Variants in RANBP10 observed in about 807,000 individuals in gnomAD.
RANBP10 encodes the protein RAN binding protein 10, also known as ran-binding protein 10.
A neutral mutation model predicts 72.8 loss-of-function variants in RANBP10; 24 were observed. That is an observed-to-expected ratio of 0.33 (90% CI 0.24 to 0.46). The LOEUF is 0.46. Ranked by LOEUF, RANBP10 falls within the 20% of genes least tolerant of loss-of-function variation. The probability of loss-of-function intolerance (pLI) is 1.00; values close to 1 mark genes in which losing one functional copy is unlikely to be tolerated. For missense variants in RANBP10, 679 were observed against 817.5 expected (o/e 0.83, Z 2.07); for synonymous variants, 310 against 322.3 (o/e 0.96, Z 0.41).
At chr16:67,769,745 CAAAAAA>C (rs58319144) in intron 3 of RANBP10, among the ~76,000 whole-genome samples, 1 of 27,724 alleles carries the variant, frequency 3.6e-5, no homozygotes, top group East Asian at 2.7e-3. Flanking sequence ...GACTCCGTCT[CAAAAAA>C]AAAAAAAAAA....
intron 2 of RANBP10, among the ~76,000 whole-genome samples, chr16:67,788,408 A>G (rs1425638000): frequency 4.0e-5 from 6 of 150,676 alleles, no homozygotes; most frequent in Admixed American, 2.0e-4. Context: ...GCCCGCCACC[A>G]TGCCCGGCTA....
chr16:67,804,473 C>G (rs895608097), intron 2 of RANBP10, among the ~76,000 whole-genome samples: 3 of 151,928 alleles, frequency 2.0e-5, no homozygotes, highest in African/African-American at 7.3e-5. Context: ...GCAATCTCAG[C>G]TCACTACAAC....
chr16:67,739,189 C>T (rs921838738), intron 4 of RANBP10: 1 of 152,122 alleles, frequency 6.6e-6, no homozygotes, highest in African/African-American at 2.4e-5. Flanking sequence ...TGGTCTTGAA[C>T]TCCTGACCTC....
chr16:67,769,786 C>T (rs2054576887), intron 3 of RANBP10, among the ~76,000 whole-genome samples: 1 of 140,468 alleles, frequency 7.1e-6, no homozygotes. Context: ...AGAGTCCTTA[C>T]CAGGCAGGCT....
At chr16:67,795,646 T>G in intron 2 of RANBP10, among the ~76,000 whole-genome samples, 1 of 151,722 alleles carries the variant, frequency 6.6e-6, no homozygotes. Context: ...GGCGGGTGGA[T>G]CACGAGGTCA....
chr16:67,795,694 A>G (rs955797485), intron 2 of RANBP10, among the ~76,000 whole-genome samples: 1 of 150,898 alleles, frequency 6.6e-6, no homozygotes, highest in Non-Finnish European at 1.5e-5. Context: ...TCTCTACTAA[A>G]AATACAAAAA....
At chr16:67,756,605 A>G (rs182147169) in intron 3 of RANBP10, among the ~76,000 whole-genome samples, 84 of 152,338 alleles carry the variant, frequency 5.5e-4, no homozygotes, top group African/African-American at 2.0e-3. Flanking sequence ...TGGGAGGCTG[A>G]GTCAGGAGAA....
intron 5 of RANBP10, among the ~76,000 whole-genome samples, chr16:67,737,509 T>G (rs1441970448): frequency 1.3e-5 from 2 of 151,958 alleles, no homozygotes; most frequent in Non-Finnish European, 2.9e-5. Flanking sequence ...GCCAGAAAAC[T>G]CCATCCTTTT....
In RANBP10 at chr16:67,728,377, C is replaced by T; in HGVS notation, c.1474+13G>A. On this transcript the variant is annotated intron_variant, in intron 11 of 13. Coordinates refer to ENST00000317506, the MANE Select transcript of RANBP10 (RefSeq NM_020850.3). ...TGCCCTCAAAGAATAGCACACCGGG[C>T]CGTGGCTCTCACCCATGCTGGACTC... The T allele has an allele frequency of 2.5e-6, 4 of 1,612,822 alleles. No individual in the cohort carries two copies. The highest frequency in any genetic ancestry group is 3.4e-6 in the Non-Finnish European group (4 of 1,178,968).
intron 2 of RANBP10, among the ~76,000 whole-genome samples, chr16:67,796,482 T>C (rs1457595304): frequency 6.6e-6 from 1 of 152,020 alleles, no homozygotes; most frequent in African/African-American, 2.4e-5. Context: ...TCCAACCACC[T>C]CCACCCTGAG....
intron 2 of RANBP10, among the ~76,000 whole-genome samples, chr16:67,801,866 G>T (rs144548089): frequency 1.3e-4 from 20 of 152,132 alleles, no homozygotes; most frequent in African/African-American, 4.8e-4. Context: ...AGGCTGAGGT[G>T]GAAGAAATAC....
chr16:67,770,944 C>T (rs111277715), intron 3 of RANBP10, among the ~76,000 whole-genome samples: 1 of 152,192 alleles, frequency 6.6e-6, no homozygotes, highest in African/African-American at 2.4e-5. Context: ...AAAGCGAGAC[C>T]CTGTCTCAAA....
rs528157171 is a variant in RANBP10 at position 67,740,251 on chromosome 16, C to T, written c.569-2216G>A. Reference sequence around the variant, plus strand: ...CCAAGTAGCTGGGACTACAAGTGCCCGCCATCATGCCCAGCTAATTTTTTT... The same window carrying T: ...CCAAGTAGCTGGGACTACAAGTGCCTGCCATCATGCCCAGCTAATTTTTTT... On this transcript the variant is annotated intron_variant, in intron 4 of 13. Transcript: ENST00000317506. Among the ~76,000 whole-genome samples the T allele has an allele frequency of 3.3e-5, 5 of 152,098 alleles. No individual in the cohort carries two copies. The South Asian group carries it at 6.3e-4, about 19-fold the overall frequency.
At chr16:67,790,596 A>AT (rs766513993) in intron 2 of RANBP10, among the ~76,000 whole-genome samples, 1 of 151,894 alleles carries the variant, frequency 6.6e-6, no homozygotes, top group Admixed American at 6.6e-5. Context: ...AATGGGCAGC[A>AT]TAAGAGTATT....
Position 67,742,747 on chromosome 16 carries a change from G to C in RANBP10, c.568+1541C>G, listed in dbSNP as rs772551085. On this transcript the variant is annotated intron_variant, in intron 4 of 13. Transcript: ENST00000317506. ...GGATGTGAGGAAGGCAGCTATACAA[G>C]GGGGCAGGTGAAGTGGGGCTTGGAT... is the stretch of plus-strand genomic sequence containing the variant. 2.6e-4 allele frequency among the ~76,000 whole-genome samples: 40 copies of C among 152,338 alleles called. 1 individual carries two copies. The highest frequency in any genetic ancestry group is 6.2e-4 in the South Asian group (3 of 4,830).
At chr16:67,781,174 TC>T (rs1311021264) in intron 2 of RANBP10, among the ~76,000 whole-genome samples, 1 of 152,184 alleles carries the variant, frequency 6.6e-6, no homozygotes, top group African/African-American at 2.4e-5. Flanking sequence ...CCCCACTTTG[TC>T]CATTCATTCA....
intron 3 of RANBP10, among the ~76,000 whole-genome samples, chr16:67,766,027 A>C (rs966332344): frequency 6.6e-6 from 1 of 151,928 alleles, no homozygotes; most frequent in South Asian, 2.1e-4. Flanking sequence ...TAAATAAATA[A>C]ACAAACACCA....
intron 6 of RANBP10, among the ~76,000 whole-genome samples, chr16:67,731,815 C>A (rs567270635): frequency 6.6e-6 from 1 of 152,328 alleles, no homozygotes; most frequent in African/African-American, 2.4e-5. Context: ...TCTGTGCCCA[C>A]AGTTCAGAGG....
At chr16:67,757,817 G>C (rs2143009276) in intron 3 of RANBP10, among the ~76,000 whole-genome samples, 2 of 152,330 alleles carry the variant, frequency 1.3e-5, no homozygotes, top group South Asian at 4.1e-4. Context: ...GCAACCATAA[G>C]GTGATGCCTC....
Sources: gnomAD v4.1 joint callset for allele counts (sites outside exome capture counted in the v4.1 genomes callset) on GRCh38, gnomAD v4.1.1 for gene constraint, MANE v1.5 for transcripts, NCBI Gene and HGNC (gene_info 2026-07-23, HGNC 2026-07-21) for gene names.